Variants in CCDC110 observed in about 807,000 individuals in gnomAD.
The protein encoded by CCDC110 is coiled-coil domain containing 110, also known as coiled-coil domain-containing protein 110.
CCDC110 carries 70 observed loss-of-function variants against 77.1 expected under a neutral mutation model. The ratio of observed to expected loss-of-function variants is 0.91; its 90% CI spans 0.75 to 1.11. CCDC110 has a LOEUF of 1.11. Among genes scored for constraint, CCDC110 ranks in the 50% least tolerant of loss-of-function variants. CCDC110 has a pLI of 0.00. For synonymous variants in CCDC110, 295 were observed against 312.5 expected (o/e 0.94, Z 0.59); for missense variants, 868 against 942.9 (o/e 0.92, Z 1.04).
intron 6 of CCDC110, among the ~76,000 whole-genome samples, chr4:185,454,100 G>A (rs904897502): frequency 6.6e-6 from 1 of 152,100 alleles, no homozygotes; most frequent in Non-Finnish European, 1.5e-5. Flanking sequence ...TTACAGGCAT[G>A]AGCCACCACG....
intron 6 of CCDC110, among the ~76,000 whole-genome samples, chr4:185,451,042 C>T (rs2095628369): frequency 6.6e-6 from 1 of 152,048 alleles, no homozygotes; most frequent in Non-Finnish European, 1.5e-5. Context: ...GGCAGCTTCC[C>T]CCATACTGTT....
intron 6 of CCDC110, among the ~76,000 whole-genome samples, chr4:185,453,576 C>T (rs1419028074): frequency 7.1e-6 from 1 of 140,220 alleles, no homozygotes; most frequent in African/African-American, 2.7e-5. Flanking sequence ...GAGACAGGGT[C>T]TTGCTCTGTC....
At chr4:185,453,738 G>A (rs1008349917) in intron 6 of CCDC110, among the ~76,000 whole-genome samples, 6 of 151,360 alleles carry the variant, frequency 4.0e-5, no homozygotes, top group African/African-American at 1.5e-4. Flanking sequence ...TGGAGACAAG[G>A]TCTCCCTATG....
chr4:185,460,825 TAA>T (rs2095644661), intron 5 of CCDC110: 1 of 461,416 alleles, frequency 2.2e-6, no homozygotes, highest in Non-Finnish European at 4.1e-6. Context: ...CGATCTGGAC[TAA>T]GTCAAATGTC....
At chr4:185,470,046 C>T (rs1368483077) in intron 2 of CCDC110, among the ~76,000 whole-genome samples, 1 of 152,202 alleles carries the variant, frequency 6.6e-6, no homozygotes, top group African/African-American at 2.4e-5. Flanking sequence ...TGGGACTCCA[C>T]CTTCAATGTC....
chr4:185,459,549 A>G lies in CCDC110; in HGVS notation c.1038T>C (p.Ser346=), dbSNP rs755942753. Residue 346 remains serine (S), a synonymous_variant, in exon 6 of 7, where the codon AGT becomes AGC. Coordinates refer to ENST00000307588, the MANE Select transcript of CCDC110 (RefSeq NM_152775.4). ...CATTTTTCTTTCCCCTGTGCATTTC[A>G]CTCTTAGATAACTTTTTACATTTTC... The part of the protein sequence containing the change: ...FCRKCKKLSK[S]EMHRGKKNEK... 3.7e-6 allele frequency: 6 copies of G among 1,612,744 alleles called. No individual in the cohort carries two copies. The South Asian group carries it at 6.6e-5, about 18-fold the overall frequency.
Position 185,471,720 on chromosome 4 carries a change from G to C in CCDC110, c.-37C>G, listed in dbSNP as rs2095668579. ...ATCTCTCTCGCAACCGCCGCCGCAC[G>C]CACCCGCTCCGCCGCCCCGCGCAGG... On this transcript the variant is annotated 5_prime_UTR_variant, in exon 1 of 7. Transcript: ENST00000307588. 6.6e-7 allele frequency: 1 copy of C among 1,522,358 alleles called. No homozygotes were observed. Among genetic ancestry groups the C allele is most frequent in the Middle Eastern group, 1.8e-4 (1 of 5,444 alleles). The allele number at this position is 1,522,358 out of a possible 1,614,324, so 94.3% of individuals were successfully genotyped here. A position where few individuals can be genotyped will look rare whatever the true frequency, so the allele number is the denominator to read the frequency against.
intron 2 of CCDC110, among the ~76,000 whole-genome samples, chr4:185,463,337 G>C (rs142870566): frequency 1.7e-4 from 26 of 152,192 alleles, no homozygotes; most frequent in Admixed American, 1.5e-3. Context: ...TTGTTTCTGG[G>C]ATATAAACTG....
chr4:185,458,845 A>G lies in CCDC110; in HGVS notation c.1742T>C (p.Ile581Thr), dbSNP rs1354148092. Residue 581 changes from isoleucine (I) to threonine (T), a missense_variant, in exon 6 of 7, where the codon ATA becomes ACA. Ile to Thr is a moderately conservative substitution (Grantham distance 89). Transcript: ENST00000307588. ...CTCTAACATTTCTTTTTCATCTTGT[A>G]TCAACAGAATATTGGTTTTCATTGC... ...MEAMKTNILL[I>T]QDEKEMLEKK... 11 of 1,604,490 alleles carry G rather than the reference A, an allele frequency of 6.9e-6. No individual in the cohort carries two copies. Among genetic ancestry groups the G allele is most frequent in the Non-Finnish European group, 9.3e-6 (11 of 1,177,794 alleles).
chr4:185,451,195 G>A (rs6833252), intron 6 of CCDC110, among the ~76,000 whole-genome samples: 110,631 of 152,028 alleles, frequency 0.73, 41,254 homozygotes, highest in African/African-American at 0.88. Flanking sequence ...CCACAGCCAC[G>A]TGGAACTGTG....
At chr4:185,455,593 AAG>A (rs2095634844) in intron 6 of CCDC110, among the ~76,000 whole-genome samples, 1 of 152,162 alleles carries the variant, frequency 6.6e-6, no homozygotes, top group Admixed American at 6.6e-5. Flanking sequence ...GCATACATAA[AAG>A]AGCTTTGGCC....
intron 6 of CCDC110, chr4:185,457,407 C>T: frequency 2.3e-6 from 1 of 430,984 alleles, no homozygotes; most frequent in Non-Finnish European, 4.6e-6. Flanking sequence ...TAATGCAATC[C>T]ACTGTGTGAT....
intron 6 of CCDC110, among the ~76,000 whole-genome samples, chr4:185,456,309 GA>G (rs2095635928): frequency 6.6e-6 from 1 of 152,114 alleles, no homozygotes; most frequent in African/African-American, 2.4e-5. Context: ...GAATGAAAAT[GA>G]AAACATACCA....
chr4:185,464,796 T>G (rs777502418), intron 2 of CCDC110, among the ~76,000 whole-genome samples: 5 of 152,230 alleles, frequency 3.3e-5, no homozygotes, highest in Non-Finnish European at 7.3e-5. Context: ...TTTAAGAGAA[T>G]TTTTAAAACT....
chr4:185,445,366 T>C lies in CCDC110; in HGVS notation c.*136A>G, dbSNP rs2095607434. On this transcript the variant is annotated 3_prime_UTR_variant, in exon 7 of 7. Transcript: ENST00000307588. ...AAGTTATCTGCACCAAACCATTCTG[T>C]GCATAATTTTTAAAGCAAATATATA... 2 of 774,676 alleles carry C rather than the reference T, an allele frequency of 2.6e-6. No homozygotes were observed. Among genetic ancestry groups the C allele is most frequent in the Admixed American group, 2.6e-5 (1 of 38,380 alleles). 48.0% of individuals were successfully genotyped at this position (774,676 alleles called of 1,614,324 possible). A position where few individuals can be genotyped will look rare whatever the true frequency, so the allele number is the denominator to read the frequency against.
chr4:185,456,326 T>A (rs2095635959), intron 6 of CCDC110, among the ~76,000 whole-genome samples: 1 of 152,122 alleles, frequency 6.6e-6, no homozygotes, highest in African/African-American at 2.4e-5. Context: ...TACCAGACTC[T>A]GTGATGCTAT....
intron 1 of CCDC110, chr4:185,471,252 GGTTT>G (rs2095666439): frequency 7.5e-6 from 1 of 134,136 alleles, no homozygotes; most frequent in Admixed American, 9.7e-5. Context: ...GGAGGGGGCG[GGTTT>G]GAAGGCTGGG....
In CCDC110 at chr4:185,468,249, G is replaced by A. The variant is rs1310431111; in HGVS notation, c.115+2696C>T. ...TGAATTCTAGCTTTGCCACACACTC[G>A]CAGTGAGGGGATAACTCTAGGCGAG... On this transcript the variant is annotated intron_variant, in intron 2 of 6. Coordinates refer to ENST00000307588, the MANE Select transcript of CCDC110 (RefSeq NM_152775.4). The surrounding 1 kb of genome is among the most constrained non-coding windows in gnomAD (Gnocchi z 4.5). Among the ~76,000 whole-genome samples, 5 of 152,206 alleles carry A rather than the reference G, an allele frequency of 3.3e-5. No homozygotes were observed. The highest frequency in any genetic ancestry group is 3.2e-3 in the Middle Eastern group (1 of 316).
intron 6 of CCDC110, among the ~76,000 whole-genome samples, chr4:185,448,220 C>T (rs1417098228): frequency 2.0e-5 from 3 of 152,020 alleles, no homozygotes; most frequent in East Asian, 1.9e-4. Context: ...GGGGTTTTGC[C>T]GTGTTGGTCA....
Sources: gnomAD v4.1 joint callset for allele counts (sites outside exome capture counted in the v4.1 genomes callset) on GRCh38, gnomAD v4.1.1 for gene constraint, Gnocchi (gnomAD v3.1) non-coding constraint, MANE v1.5 for transcripts, NCBI Gene and HGNC (gene_info 2026-07-23, HGNC 2026-07-21) for gene names.